The following INPP4B variants were observed in gnomAD, a reference collection of about 807,000 sequenced individuals.
The protein encoded by INPP4B is inositol polyphosphate-4-phosphatase type II B.
Under a neutral mutation model 122.5 loss-of-function variants are expected in INPP4B, and 55 were observed. The observed-to-expected ratio is 0.45, with a 90% CI of 0.36 to 0.56. The LOEUF is 0.56. INPP4B is among the 20% of genes least tolerant of loss of function. The pLI, the probability that INPP4B is intolerant of heterozygous loss-of-function variation, is 0.00. For missense variants in INPP4B, 1,000 were observed against 1,097.7 expected, an observed-to-expected ratio of 0.91 and a Z score of 1.26; for synonymous variants, 403 against 388.7, an observed-to-expected ratio of 1.04 and a Z score of -0.43.
intron 2 of INPP4B, among the ~76,000 whole-genome samples, chr4:142,693,197 T>C (rs1156805731): frequency 2.0e-5 from 3 of 151,990 alleles, no homozygotes; most frequent in African/African-American, 4.8e-5. Flanking sequence ...AATTACTTTA[T>C]GAAAAAAATT....
At chr4:142,368,133 A>G (rs1481948872) in intron 7 of INPP4B, among the ~76,000 whole-genome samples, 1 of 152,190 alleles carries the variant, frequency 6.6e-6, no homozygotes, top group Non-Finnish European at 1.5e-5. Context: ...AACTCATTAA[A>G]ATAAAGGCCA....
chr4:142,188,559 G>C (rs192290165), intron 15 of INPP4B, among the ~76,000 whole-genome samples: 5 of 136,430 alleles, frequency 3.7e-5, no homozygotes, highest in African/African-American at 1.3e-4. Context: ...AAAATAGTAA[G>C]CATAGTTAAG....
chr4:142,410,797 TA>T (rs1201034312), intron 5 of INPP4B, among the ~76,000 whole-genome samples: 2 of 152,212 alleles, frequency 1.3e-5, no homozygotes, highest in Non-Finnish European at 2.9e-5. Context: ...TGAGTCCCTT[TA>T]AATTATTATT....
chr4:142,103,964 T>TA (rs947353790), intron 23 of INPP4B, among the ~76,000 whole-genome samples: 12 of 152,138 alleles, frequency 7.9e-5, no homozygotes, highest in Admixed American at 6.6e-4. Flanking sequence ...AAATATTATA[T>TA]AAAAAGTATA....
At chr4:142,064,848 A>C (rs1762714982) in intron 25 of INPP4B, among the ~76,000 whole-genome samples, 1 of 152,218 alleles carries the variant, frequency 6.6e-6, no homozygotes, top group Non-Finnish European at 1.5e-5. Flanking sequence ...ACAAAAGAAC[A>C]GTCAAAGTGA....
chr4:142,122,980 T>G (rs556452526), intron 20 of INPP4B, among the ~76,000 whole-genome samples: 2 of 152,166 alleles, frequency 1.3e-5, no homozygotes, highest in East Asian at 1.9e-4. Context: ...AACAGTGCAG[T>G]TCTAGACATT....
chr4:142,325,801 C>A (rs1360561319), intron 7 of INPP4B, among the ~76,000 whole-genome samples: 1 of 152,150 alleles, frequency 6.6e-6, no homozygotes, highest in Non-Finnish European at 1.5e-5. Context: ...ATACAGGACT[C>A]ATGTAGTTCT....
At chr4:142,174,592 G>C (rs1827180904) in intron 15 of INPP4B, among the ~76,000 whole-genome samples, 1 of 151,314 alleles carries the variant, frequency 6.6e-6, no homozygotes, top group Admixed American at 6.6e-5. Flanking sequence ...AACATACAAA[G>C]AAATCTAAAA....
At chr4:142,042,121 G>A (rs1419157175) in intron 25 of INPP4B, among the ~76,000 whole-genome samples, 1 of 152,144 alleles carries the variant, frequency 6.6e-6, no homozygotes, top group Non-Finnish European at 1.5e-5. Context: ...ACCGTCACTT[G>A]TTCTCCTACT....
intron 1 of INPP4B, among the ~76,000 whole-genome samples, chr4:142,759,145 GACTT>G (rs1361366675): frequency 1.3e-5 from 2 of 152,066 alleles, no homozygotes; most frequent in African/African-American, 4.8e-5. Context: ...GAGTTAGTTT[GACTT>G]ACTTAAAGCA....
intron 7 of INPP4B, among the ~76,000 whole-genome samples, chr4:142,378,383 AC>A (rs1482897666): frequency 6.6e-6 from 1 of 152,106 alleles, no homozygotes; most frequent in Admixed American, 6.6e-5. Context: ...TTGCTCGGGC[AC>A]CCATTGGTGG....
At position 142,060,132 on chromosome 4, in the gene INPP4B, C is replaced by G. The variant is rs969561414; in HGVS notation, c.2642+21899G>C. 8.5e-5 allele frequency among the ~76,000 whole-genome samples: 13 copies of G among 152,120 alleles called. 1 individual carries two copies. On this transcript the variant is annotated intron_variant, in intron 25 of 25. Transcript: ENST00000262992. Reference sequence around the variant, plus strand: ...AGGAATCTCACCCTGCCCAGTGAAACTGCCCCATGGGATTTCTACTTTAAA... The same window carrying G: ...AGGAATCTCACCCTGCCCAGTGAAAGTGCCCCATGGGATTTCTACTTTAAA...
At chr4:142,344,768 G>A (rs999533554) in intron 7 of INPP4B, among the ~76,000 whole-genome samples, 1 of 151,944 alleles carries the variant, frequency 6.6e-6, no homozygotes, top group Non-Finnish European at 1.5e-5. Context: ...CATGGACATA[G>A]GTTTAGTACC....
At chr4:142,676,363 A>G (rs1026295175) in intron 2 of INPP4B, among the ~76,000 whole-genome samples, 4 of 152,154 alleles carry the variant, frequency 2.6e-5, no homozygotes, top group African/African-American at 9.6e-5. Flanking sequence ...CGAATGGAAA[A>G]ACATTCCATG....
intron 2 of INPP4B, among the ~76,000 whole-genome samples, chr4:142,537,957 T>C (rs765646381): frequency 4.6e-5 from 7 of 152,102 alleles, no homozygotes; most frequent in Non-Finnish European, 1.0e-4. Context: ...GAGTTCAGGA[T>C]GTAAAAACTC....
chr4:142,335,244 C>T (rs1449601863), intron 7 of INPP4B, among the ~76,000 whole-genome samples: 2 of 151,430 alleles, frequency 1.3e-5, no homozygotes, highest in African/African-American at 4.9e-5. Flanking sequence ...TTAATAGTGA[C>T]TCAGATTAAA....
chr4:142,103,650 C>A (rs926881351), intron 23 of INPP4B, among the ~76,000 whole-genome samples: 1 of 152,036 alleles, frequency 6.6e-6, no homozygotes, highest in Non-Finnish European at 1.5e-5. Flanking sequence ...TCTTTGATTA[C>A]CTTGAGTCAT....
At chr4:142,237,356 A>G (rs1857120394) in intron 12 of INPP4B, among the ~76,000 whole-genome samples, 1 of 152,128 alleles carries the variant, frequency 6.6e-6, no homozygotes, top group South Asian at 2.1e-4. Context: ...AGCTCAAACC[A>G]CAGATGAAAG....
chr4:142,147,637 T>G (rs336402), intron 17 of INPP4B, among the ~76,000 whole-genome samples: 97,438 of 152,004 alleles, frequency 0.64, 36,627 homozygotes, highest in South Asian at 0.83. Context: ...TATTACTATT[T>G]GGCAAAATCA....
Sources: gnomAD v4.1 joint callset for allele counts (sites outside exome capture counted in the v4.1 genomes callset) on GRCh38, gnomAD v4.1.1 for gene constraint, MANE v1.5 for transcripts, NCBI Gene and HGNC (gene_info 2026-07-23, HGNC 2026-07-21) for gene names.